The following ADAMTS16 variants were observed in gnomAD, a reference collection of about 807,000 sequenced individuals.
ADAMTS16 encodes the protein ADAM metallopeptidase with thrombospondin type 1 motif 16.
In ADAMTS16, 94 loss-of-function variants were observed where a neutral mutation model predicts 145.8. The observed-to-expected ratio is 0.64, with a 90% confidence interval of 0.55 to 0.77. ADAMTS16 has a LOEUF of 0.77. ADAMTS16 is among the 30% of genes least tolerant of loss of function. The pLI is 0.00. For synonymous variants in ADAMTS16, 659 were observed against 604.3 expected (o/e 1.09, Z -1.33); for missense variants, 1,585 against 1,591.5 (o/e 1.00, Z 0.07).
At chr5:5,291,180 T>C (rs924100844) in intron 18 of ADAMTS16, among the ~76,000 whole-genome samples, 3 of 152,132 alleles carry the variant, frequency 2.0e-5, no homozygotes, top group Non-Finnish European at 4.4e-5. Flanking sequence ...ACAAAATTAA[T>C]GTCTGTGTCT....
intron 18 of ADAMTS16, 42 bp downstream of exon 18, chr5:5,262,825 C>T: frequency 6.2e-7 from 1 of 1,605,080 alleles, no homozygotes; most frequent in Non-Finnish European, 8.5e-7. Context: ...TCCCAGTTTG[C>T]AGACGTGCTC....
chr5:5,235,970 C>A (rs905928026), intron 13 of ADAMTS16, among the ~76,000 whole-genome samples: 1 of 152,120 alleles, frequency 6.6e-6, no homozygotes, highest in Non-Finnish European at 1.5e-5. Flanking sequence ...AGCAATTTCC[C>A]GGAAGCATGT....
chr5:5,220,273 A>T (rs6898858), intron 10 of ADAMTS16, among the ~76,000 whole-genome samples: 72,059 of 148,966 alleles, frequency 0.48, 17,990 homozygotes, highest in African/African-American at 0.62. Flanking sequence ...CATTCTCCTG[A>T]CTCAGCCTCC....
chr5:5,174,313 G>T lies in ADAMTS16; in HGVS notation c.502-7731G>T, dbSNP rs574662268. Reference sequence around the variant, plus strand: ...TATGGTTTCCACTGAGAAGTCTGCTGTCAGATGTATTGAAGCTCCATTTTA... The same window carrying T: ...TATGGTTTCCACTGAGAAGTCTGCTTTCAGATGTATTGAAGCTCCATTTTA... On this transcript the variant is annotated intron_variant, in intron 3 of 22. Coordinates refer to ENST00000274181, the MANE Select transcript of ADAMTS16 (RefSeq NM_139056.4). 2.0e-5 allele frequency among the ~76,000 whole-genome samples: 3 copies of T among 152,218 alleles called. No homozygotes were observed. In the East Asian group the frequency reaches 5.8e-4, roughly 29 times the overall value.
intron 3 of ADAMTS16, among the ~76,000 whole-genome samples, chr5:5,164,970 G>T (rs1346846110): frequency 1.3e-5 from 2 of 152,140 alleles, no homozygotes; most frequent in African/African-American, 2.4e-5. Flanking sequence ...ATTGAGGTAT[G>T]ATTTACATAA....
rs578126529 is a variant in ADAMTS16 at position 5,146,374 on chromosome 5, G to A, written c.420G>A (p.Pro140=). The A allele has an allele frequency of 5.6e-6, 9 of 1,614,060 alleles. No homozygotes were observed. The highest frequency in any genetic ancestry group is 5.3e-5 in the African/African-American group (4 of 75,032). The part of the protein sequence containing the change: ...KTGTKSVQTL[P]PEDFCFYQGS... ...GCACTAAGTCTGTGCAGACTTTACCGCCAGAGGACTTCTGTTTCTATCAAG... is the reference window on the plus strand; with the variant it reads ...GCACTAAGTCTGTGCAGACTTTACCACCAGAGGACTTCTGTTTCTATCAAG... The change falls in exon 3 of 23, where the codon CCG becomes CCA. Residue 140 remains proline, a synonymous_variant. Coordinates refer to ENST00000274181, the MANE Select transcript of ADAMTS16 (RefSeq NM_139056.4).
chr5:5,222,764 A>G, intron 10 of ADAMTS16, 25 bp from the exon 11 acceptor site: 1 of 1,580,560 alleles, frequency 6.3e-7, no homozygotes, highest in East Asian at 2.2e-5. Flanking sequence ...TGTAATCCTA[A>G]TGACCTTTTA....
At position 5,209,216 on chromosome 5, in the gene ADAMTS16, A is replaced by G; in HGVS notation, c.1575A>G (p.Lys525=). 5.0e-6 allele frequency: 8 copies of G among 1,614,024 alleles called. No homozygotes were observed. Among genetic ancestry groups the G allele is most frequent in the South Asian group, 1.1e-5 (1 of 91,058 alleles). The change falls in exon 10 of 23, where the codon AAA becomes AAG. Residue 525 remains lysine (K), a synonymous_variant. Coordinates refer to ENST00000274181, the MANE Select transcript of ADAMTS16 (RefSeq NM_139056.4). The part of the protein sequence containing the change: ...NTQCKWQFGE[K]AKLCMLDFKK... ...AGTGCAAGTGGCAGTTCGGAGAGAAAGCCAAGCTCTGCATGCTGGACTTTA... is the reference window on the plus strand; with the variant it reads ...AGTGCAAGTGGCAGTTCGGAGAGAAGGCCAAGCTCTGCATGCTGGACTTTA...
intron 3 of ADAMTS16, among the ~76,000 whole-genome samples, chr5:5,178,551 C>T (rs1032471736): frequency 8.5e-5 from 13 of 152,088 alleles, no homozygotes; most frequent in Non-Finnish European, 1.0e-4. Context: ...TTTATCAAGG[C>T]ATATCAAAAT....
At chr5:5,169,769 T>C (rs1181889519) in intron 3 of ADAMTS16, among the ~76,000 whole-genome samples, 2 of 152,220 alleles carry the variant, frequency 1.3e-5, no homozygotes, top group African/African-American at 4.8e-5. Context: ...AGAGGGTGCT[T>C]ACTGAGTTCC....
intron 3 of ADAMTS16, among the ~76,000 whole-genome samples, chr5:5,156,605 G>A (rs1734611431): frequency 6.6e-6 from 1 of 152,198 alleles, no homozygotes; most frequent in Non-Finnish European, 1.5e-5. Flanking sequence ...ATGGTAGGCT[G>A]CACTTGACCT....
chr5:5,297,812 C>A (rs1356125373), intron 18 of ADAMTS16, among the ~76,000 whole-genome samples: 1 of 152,224 alleles, frequency 6.6e-6, no homozygotes, highest in African/African-American at 2.4e-5. Flanking sequence ...GCAAAGAAAT[C>A]CTGCATTTAG....
At chr5:5,189,009 C>T (rs933967296) in intron 6 of ADAMTS16, among the ~76,000 whole-genome samples, 3 of 152,188 alleles carry the variant, frequency 2.0e-5, no homozygotes, top group African/African-American at 4.8e-5. Context: ...TGCTAAAGAA[C>T]GCAAGGCTTG....
At chr5:5,296,793 T>C (rs2126499532) in intron 18 of ADAMTS16, among the ~76,000 whole-genome samples, 1 of 152,310 alleles carries the variant, frequency 6.6e-6, no homozygotes, top group Non-Finnish European at 1.5e-5. Context: ...GGGAGTTACC[T>C]CTTACTCAGA....
chr5:5,211,745 G>T (rs1435843423), intron 10 of ADAMTS16, among the ~76,000 whole-genome samples: 4 of 151,718 alleles, frequency 2.6e-5, no homozygotes, highest in African/African-American at 9.7e-5. Context: ...TTACATACTG[G>T]GTTTTTAATA....
At chr5:5,215,151 T>A (rs1166068035) in intron 10 of ADAMTS16, among the ~76,000 whole-genome samples, 1 of 152,240 alleles carries the variant, frequency 6.6e-6, no homozygotes, top group African/African-American at 2.4e-5. Flanking sequence ...CCTTTTTTTG[T>A]ATATGTGAAT....
At chr5:5,255,010 C>T (rs1351482908) in intron 17 of ADAMTS16, among the ~76,000 whole-genome samples, 1 of 152,096 alleles carries the variant, frequency 6.6e-6, no homozygotes, top group Non-Finnish European at 1.5e-5. Flanking sequence ...ATCTTTGATA[C>T]ATTTTTATAT....
At chr5:5,313,820 C>T (rs1740556106) in intron 21 of ADAMTS16, among the ~76,000 whole-genome samples, 1 of 152,256 alleles carries the variant, frequency 6.6e-6, no homozygotes, top group Non-Finnish European at 1.5e-5. Context: ...GAGATCTCAA[C>T]CGATGAGGCT....
At chr5:5,157,360 G>T (rs1394098127) in intron 3 of ADAMTS16, among the ~76,000 whole-genome samples, 2 of 151,924 alleles carry the variant, frequency 1.3e-5, no homozygotes, top group African/African-American at 4.8e-5. Flanking sequence ...CTGGCATTAT[G>T]TAAAATCTTA....
Sources: allele counts gnomAD v4.1 joint callset (sites outside exome capture counted in the v4.1 genomes callset), GRCh38; gene constraint gnomAD v4.1.1; transcripts MANE v1.5; gene names NCBI Gene and HGNC (gene_info 2026-07-23, HGNC 2026-07-21).